The following PCDHA2 variants were observed in gnomAD, a reference collection of about 807,000 sequenced individuals.
PCDHA2 encodes the protein protocadherin alpha-2.
In PCDHA2, 58 loss-of-function variants were observed where a neutral mutation model predicts 66.0. That is an observed-to-expected ratio of 0.88 (90% CI 0.71 to 1.09). The LOEUF is 1.09. Among genes scored for constraint, PCDHA2 ranks in the 50% least tolerant of loss-of-function variants. The pLI, the probability that PCDHA2 is intolerant of heterozygous loss-of-function variation, is 0.00. For missense variants in PCDHA2, 1,267 were observed against 1,242.3 expected (o/e 1.02, Z -0.30); for synonymous variants, 634 against 554.0 (o/e 1.14, Z -2.03).
chr5:140,939,499 A>G (rs1467638389), intron 1 of PCDHA2, among the ~76,000 whole-genome samples: 1 of 152,234 alleles, frequency 6.6e-6, no homozygotes, highest in African/African-American at 2.4e-5. Flanking sequence ...TATAAATTCA[A>G]TGTCTATAAC....
At position 140,876,190 on chromosome 5, in the gene PCDHA2, C is replaced by T. The variant is rs782463342; in HGVS notation, c.2388+78838C>T. Reference sequence around the variant, plus strand: ...CGTCCTGGATGTGAATGACAATGGTCCGGCGTTTGATAAGCCCAGCTATAA... The same window carrying T: ...CGTCCTGGATGTGAATGACAATGGTTCGGCGTTTGATAAGCCCAGCTATAA... On this transcript the variant is annotated intron_variant, in intron 1 of 3. Coordinates refer to ENST00000526136, the MANE Select transcript of PCDHA2 (RefSeq NM_018905.3). 3.7e-6 allele frequency: 6 copies of T among 1,613,936 alleles called. No individual in the cohort carries two copies. The Admixed American group carries it at 5.0e-5, about 13-fold the overall frequency.
At chr5:140,871,121 A>G (rs1554165161) in intron 1 of PCDHA2, 4 of 1,613,320 alleles carry the variant, frequency 2.5e-6, no homozygotes, top group Non-Finnish European at 3.4e-6. Context: ...GAGAGCGGAC[A>G]GGCGCCAAAG....
intron 1 of PCDHA2, chr5:140,854,217 C>A: frequency 6.6e-6 from 4 of 607,972 alleles, no homozygotes; most frequent in Middle Eastern, 8.4e-4. Context: ...CAATATTGGA[C>A]ATCTACATTG....
intron 3 of PCDHA2, 167 bp from the exon 4 acceptor site, chr5:141,009,460 T>C (rs1375350735): frequency 3.2e-6 from 3 of 950,276 alleles, no homozygotes; most frequent in African/African-American, 1.8e-5. Flanking sequence ...ATTAAACAAA[T>C]AAATAAATAA....
rs782793787 is a variant in PCDHA2 at position 140,797,332 on chromosome 5, G to A, written c.2368G>A (p.Glu790Lys). The change falls in exon 1 of 4, where the codon GAA (glutamate) becomes AAA (lysine). Residue 790 changes from glutamate (E) to lysine (K), a missense_variant. By Grantham distance (56) the Glu-to-Lys change is moderately conservative. Transcript: ENST00000526136. ...PDSAEEKQLS[E>K]SEYVGKPRQP... is the part of the protein sequence containing the mutation. The stretch of plus-strand genomic sequence containing the variant: ...CTCCGCAGAAGAGAAACAGCTCTCA[G>A]AATCAGAATACGTAGGAAAGGTGAG... 2 of 1,614,162 alleles carry A rather than the reference G, an allele frequency of 1.2e-6. No individual in the cohort carries two copies. The highest frequency in any genetic ancestry group is 2.2e-5 in the South Asian group (2 of 91,088).
chr5:140,965,353 A>C (rs1255008521), intron 1 of PCDHA2, among the ~76,000 whole-genome samples: 1 of 152,172 alleles, frequency 6.6e-6, no homozygotes, highest in Non-Finnish European at 1.5e-5. Flanking sequence ...TTGCCTCTAT[A>C]GCAGTACAAG....
intron 1 of PCDHA2, chr5:140,808,151 G>A: frequency 6.2e-7 from 1 of 1,614,120 alleles, no homozygotes; most frequent in Non-Finnish European, 8.5e-7. Flanking sequence ...TATTGTAGAG[G>A]GCATTGATAA....
chr5:140,876,984 G>C (rs2056761931), intron 1 of PCDHA2: 9 of 1,612,672 alleles, frequency 5.6e-6, no homozygotes, highest in African/African-American at 1.3e-5. Flanking sequence ...AGCACGCACT[G>C]TCGAGCTACG....
At chr5:140,858,510 T>A (rs565313627) in intron 1 of PCDHA2, 1 of 1,437,158 alleles carries the variant, frequency 7.0e-7, no homozygotes. Context: ...TTCTCAAATA[T>A]GTATCAGAAT....
chr5:140,883,693 C>T (rs2059756382), intron 1 of PCDHA2: 2 of 1,613,790 alleles, frequency 1.2e-6, no homozygotes, highest in Non-Finnish European at 1.7e-6. Flanking sequence ...GCCACATCTT[C>T]ACGGTGTCTG....
At chr5:140,914,929 G>A (rs1167844428) in intron 1 of PCDHA2, among the ~76,000 whole-genome samples, 2 of 145,306 alleles carry the variant, frequency 1.4e-5, no homozygotes, top group African/African-American at 5.0e-5. Flanking sequence ...ATTGTACTAT[G>A]TTGTGAAAAG....
chr5:140,868,562 A>C (rs2153231296), intron 1 of PCDHA2: 1 of 152,960 alleles, frequency 6.5e-6, no homozygotes, highest in South Asian at 2.1e-4. Flanking sequence ...TTTTTATATG[A>C]GGAACAACAC....
At chr5:140,860,557 G>C (rs146943384) in intron 1 of PCDHA2, 1 of 152,036 alleles carries the variant, frequency 6.6e-6, no homozygotes, top group African/African-American at 2.4e-5. Context: ...CTTTGAAGAG[G>C]TACTGATCAT....
intron 1 of PCDHA2, chr5:140,882,573 G>A (rs2059201802): frequency 2.5e-6 from 4 of 1,614,234 alleles, no homozygotes; most frequent in Non-Finnish European, 3.4e-6. Flanking sequence ...AGCGCGGAGT[G>A]CAGCATCCAC....
chr5:140,917,936 A>G (rs155801), intron 1 of PCDHA2, among the ~76,000 whole-genome samples: 49,654 of 151,910 alleles, frequency 0.33, 8,386 homozygotes, highest in East Asian at 0.53. Context: ...GAAAAATAAT[A>G]TTGGTAGTTT....
At position 141,010,114 on chromosome 5, in the gene PCDHA2, G is replaced by A. The variant is rs2098416092; in HGVS notation, c.*177G>A. Reference sequence around the variant, plus strand: ...GCATTTAACAGGTTTTGTCGTAAAAGCTTTACTAAGTCTGGTGTTAACTCT... The same window carrying A: ...GCATTTAACAGGTTTTGTCGTAAAAACTTTACTAAGTCTGGTGTTAACTCT... On this transcript the variant is annotated 3_prime_UTR_variant, in exon 4 of 4. Transcript: ENST00000526136. The A allele has an allele frequency of 1.2e-6, 2 of 1,609,716 alleles. No homozygotes were observed. Among genetic ancestry groups the A allele is most frequent in the Non-Finnish European group, 1.7e-6 (2 of 1,177,682 alleles).
At chr5:140,884,532 G>A in intron 1 of PCDHA2, 2 of 1,614,042 alleles carry the variant, frequency 1.2e-6, no homozygotes, top group South Asian at 2.2e-5. Flanking sequence ...CAGCAGAGGC[G>A]GCCGAGGGTG....
At chr5:140,989,321 C>T (rs898791820) in intron 3 of PCDHA2, among the ~76,000 whole-genome samples, 2 of 152,296 alleles carry the variant, frequency 1.3e-5, no homozygotes, top group Non-Finnish European at 1.5e-5. Context: ...GTCTCACCAA[C>T]TTTGCCACCT....
intron 1 of PCDHA2, among the ~76,000 whole-genome samples, chr5:140,916,821 C>T (rs2077744344): frequency 6.6e-6 from 1 of 152,170 alleles, no homozygotes; most frequent in African/African-American, 2.4e-5. Flanking sequence ...TGTGCCACCC[C>T]TATCCCTCTG....
Sources: gnomAD v4.1 joint callset for allele counts (sites outside exome capture counted in the v4.1 genomes callset) on GRCh38, gnomAD v4.1.1 for gene constraint, MANE v1.5 for transcripts, NCBI Gene and HGNC (gene_info 2026-07-23, HGNC 2026-07-21) for gene names.